CPQ: variants seen among roughly 807,000 people sequenced by gnomAD.
The protein encoded by CPQ is Ser-Met dipeptidase.
In CPQ, 37 loss-of-function variants were observed where a neutral mutation model predicts 45.7. The ratio of observed to expected loss-of-function variants is 0.81; its 90% CI spans 0.62 to 1.07. The LOEUF is 1.07. Ranked by LOEUF, CPQ falls within the 50% of genes least tolerant of loss-of-function variation. CPQ has a pLI of 0.00. For missense variants in CPQ, 537 were observed against 572.9 expected, an observed-to-expected ratio of 0.94 and a Z score of 0.64; for synonymous variants, 186 against 205.8, an observed-to-expected ratio of 0.90 and a Z score of 0.82.
chr8:96,756,770 T>C (rs1810331279), intron 1 of CPQ, among the ~76,000 whole-genome samples: 1 of 152,210 alleles, frequency 6.6e-6, no homozygotes, highest in Admixed American at 6.5e-5. Flanking sequence ...TGCAATTGTT[T>C]AATGCTTTAG....
At chr8:96,796,214 T>A (rs1209769874) in intron 2 of CPQ, among the ~76,000 whole-genome samples, 1 of 152,146 alleles carries the variant, frequency 6.6e-6, no homozygotes, top group Non-Finnish European at 1.5e-5. Context: ...AAAGTGATAT[T>A]TCCCTATTAT....
At chr8:96,891,946 G>C (rs923170616) in intron 4 of CPQ, among the ~76,000 whole-genome samples, 1 of 152,168 alleles carries the variant, frequency 6.6e-6, no homozygotes, top group African/African-American at 2.4e-5. Context: ...GCATGCTAGA[G>C]ATTATAAGGA....
chr8:96,720,342 G>C (rs933572055), intron 1 of CPQ, among the ~76,000 whole-genome samples: 1 of 151,988 alleles, frequency 6.6e-6, no homozygotes, highest in Non-Finnish European at 1.5e-5. Context: ...TATTGTATGA[G>C]GGACATTGTA....
intron 2 of CPQ, among the ~76,000 whole-genome samples, chr8:96,792,098 T>TA (rs1055088703): frequency 6.6e-6 from 1 of 152,196 alleles, no homozygotes; most frequent in African/African-American, 2.4e-5. Flanking sequence ...ACTTCAGTAT[T>TA]ACAGTAGGTA....
At chr8:97,061,119 T>C (rs1185362457) in intron 6 of CPQ, among the ~76,000 whole-genome samples, 10 of 152,182 alleles carry the variant, frequency 6.6e-5, no homozygotes. Flanking sequence ...TCTACACGAA[T>C]AGAAATCAAA....
chr8:96,657,618 C>A lies in CPQ; in HGVS notation c.-35+12216C>A, dbSNP rs184024079. Reference sequence around the variant, plus strand: ...TGCCATCTTGCTGATGTCATGCCTACATGTTTACAGAAAATTCACATCCTC... The same window carrying A: ...TGCCATCTTGCTGATGTCATGCCTAAATGTTTACAGAAAATTCACATCCTC... On this transcript the variant is annotated intron_variant, in intron 1 of 7. Transcript: ENST00000220763. Among the ~76,000 whole-genome samples, 766 of 152,296 alleles carry A rather than the reference C, an allele frequency of 5.0e-3. 5 individuals are homozygous for A. The highest frequency in any genetic ancestry group is 7.1e-3 in the Non-Finnish European group (483 of 68,028).
At chr8:96,958,749 G>C (rs957800215) in intron 4 of CPQ, among the ~76,000 whole-genome samples, 1 of 152,016 alleles carries the variant, frequency 6.6e-6, no homozygotes, top group Non-Finnish European at 1.5e-5. Context: ...TCTCCTTTTT[G>C]TGAGTCTAAT....
chr8:96,686,704 C>A lies in CPQ; in HGVS notation c.-35+41302C>A, dbSNP rs937653971. ...TGTGGATTTATATGTTATAAATATA[C>A]ATTTGAAGATTTTCTTTTTTTTTCC... On this transcript the variant is annotated intron_variant, in intron 1 of 7. Transcript: ENST00000220763. Among the ~76,000 whole-genome samples the A allele has an allele frequency of 2.6e-5, 4 of 151,534 alleles. No individual in the cohort carries two copies. In the East Asian group the frequency reaches 7.7e-4, roughly 29 times the overall value.
intron 6 of CPQ, among the ~76,000 whole-genome samples, chr8:97,056,101 AACACAC>A (rs34266303): frequency 4.1e-5 from 6 of 146,428 alleles, no homozygotes; most frequent in Admixed American, 2.1e-4. Context: ...CCTATCTCAA[AACACAC>A]ACACACACAC....
chr8:97,059,822 TATTTAC>T (rs1387488173), intron 6 of CPQ, among the ~76,000 whole-genome samples: 1 of 152,166 alleles, frequency 6.6e-6, no homozygotes, highest in Non-Finnish European at 1.5e-5. Flanking sequence ...ATCTGTAAAA[TATTTAC>T]ATTTACAGGG....
chr8:96,931,498 G>A (rs773327456), intron 4 of CPQ, among the ~76,000 whole-genome samples: 1 of 152,072 alleles, frequency 6.6e-6, no homozygotes, highest in Non-Finnish European at 1.5e-5. Context: ...GAATGCTCAC[G>A]CTCCTGGGCC....
intron 4 of CPQ, among the ~76,000 whole-genome samples, chr8:96,916,843 G>T (rs990066672): frequency 8.5e-5 from 13 of 152,050 alleles, no homozygotes; most frequent in African/African-American, 2.9e-4. Flanking sequence ...CCATGCTTCC[G>T]ATTGAGATTT....
At chr8:96,965,333 A>G (rs1240335283) in intron 4 of CPQ, among the ~76,000 whole-genome samples, 1 of 149,728 alleles carries the variant, frequency 6.7e-6, no homozygotes, top group African/African-American at 2.5e-5. Context: ...CATATAATAA[A>G]TTTATCAAAT....
At chr8:97,123,124 TAAATAAAATAAAATAAAATAAAATAA>T (rs1257317280) in intron 7 of CPQ, among the ~76,000 whole-genome samples, 1 of 49,776 alleles carries the variant, frequency 2.0e-5, no homozygotes, top group Non-Finnish European at 3.9e-5. Context: ...TAAAATAAAA[TAAATAAAATAAAATAAAATAAAATAA>T]ATAAAATAAA....
At chr8:96,879,753 G>T (rs1422444288) in intron 3 of CPQ, 45 bp from the exon 4 acceptor site, 9 of 1,493,940 alleles carry the variant, frequency 6.0e-6, no homozygotes, top group Non-Finnish European at 8.4e-6. Flanking sequence ...AAGTCTTTTG[G>T]TCTATTTCCA....
chr8:96,676,585 C>G (rs1348283465), intron 1 of CPQ, among the ~76,000 whole-genome samples: 1 of 151,956 alleles, frequency 6.6e-6, no homozygotes, highest in African/African-American at 2.4e-5. Context: ...GATTGCATAT[C>G]TTGGTTATTG....
chr8:96,825,103 G>T (rs1044312324), intron 2 of CPQ, among the ~76,000 whole-genome samples: 2 of 151,982 alleles, frequency 1.3e-5, no homozygotes, highest in Admixed American at 1.3e-4. Flanking sequence ...AGGTCTGGGG[G>T]TGGAATGGCC....
chr8:96,958,834 C>G (rs1006757855), intron 4 of CPQ, among the ~76,000 whole-genome samples: 4 of 150,594 alleles, frequency 2.7e-5, no homozygotes, highest in Non-Finnish European at 2.9e-5. Flanking sequence ...CTGGGTGATC[C>G]ATGAGCATTT....
intron 3 of CPQ, among the ~76,000 whole-genome samples, chr8:96,851,853 T>C (rs922980534): frequency 2.0e-5 from 3 of 152,228 alleles, no homozygotes; most frequent in Non-Finnish European, 4.4e-5. Flanking sequence ...TTTTATTGTA[T>C]TCCTGTGAGG....
Sources: allele counts gnomAD v4.1 joint callset (sites outside exome capture counted in the v4.1 genomes callset), GRCh38; gene constraint gnomAD v4.1.1; transcripts MANE v1.5; gene names NCBI Gene and HGNC (gene_info 2026-07-23, HGNC 2026-07-21).